The following OSBPL8 variants were observed in gnomAD, a reference collection of about 807,000 sequenced individuals.
OSBPL8 encodes the protein oxysterol binding protein like 8, also known as oxysterol-binding protein-related protein 8.
In OSBPL8, 59 loss-of-function variants were observed where a neutral mutation model predicts 125.5. The ratio of observed to expected loss-of-function variants is 0.47; its 90% CI spans 0.38 to 0.58. OSBPL8 has a LOEUF of 0.58. OSBPL8 is among the 20% of genes least tolerant of loss of function. The pLI is 0.00. For synonymous variants in OSBPL8, 330 were observed against 338.9 expected, an observed-to-expected ratio of 0.97 and a Z score of 0.29; for missense variants, 758 against 1,047.8, an observed-to-expected ratio of 0.72 and a Z score of 3.82.
At chr12:76,422,659 GA>G (rs1470927016) in intron 4 of OSBPL8, 1 of 456,250 alleles carries the variant, frequency 2.2e-6, no homozygotes, top group African/African-American at 2.0e-5. Context: ...TCATAGCTCA[GA>G]AGGTCTATTT....
rs1353230648 is a variant in OSBPL8, at chr12:76,559,502, C to G, written c.-173G>C. The G allele has an allele frequency of 6.6e-6, 1 of 152,146 alleles. No individual in the cohort carries two copies. The highest frequency in any genetic ancestry group is 2.4e-5 in the African/African-American group (1 of 41,438). The allele number at this position is 152,146 out of a possible 1,614,324, so 9.4% of individuals were successfully genotyped here. ...TAAGCGTCTAGTCAGACCCCAACTT[C>G]TCTCGGCCGCTGTCGTCGGCGGCAG... is the stretch of plus-strand genomic sequence containing the variant. On this transcript the variant is annotated 5_prime_UTR_variant, in exon 1 of 24. Transcript: ENST00000261183.
chr12:76,433,974 C>CAAAAAA (rs34241447), intron 4 of OSBPL8, among the ~76,000 whole-genome samples: 4 of 82,136 alleles, frequency 4.9e-5, no homozygotes, highest in African/African-American at 1.6e-4. Context: ...GACTCCATCT[C>CAAAAAA]AAAAAAAAAA....
chr12:76,402,873 T>C (rs1411941076), intron 5 of OSBPL8, 107 bp from the exon 6 acceptor site: 2 of 721,214 alleles, frequency 2.8e-6, no homozygotes, highest in Admixed American at 5.7e-5. Context: ...ATTGCTATGA[T>C]TTAAGCAAAT....
intron 1 of OSBPL8, among the ~76,000 whole-genome samples, chr12:76,538,588 A>G (rs755085553): frequency 1.3e-5 from 2 of 152,230 alleles, no homozygotes; most frequent in Non-Finnish European, 2.9e-5. Context: ...TATAGTTCAA[A>G]GGCTTTATCA....
intron 3 of OSBPL8, among the ~76,000 whole-genome samples, chr12:76,451,486 G>A (rs1019374798): frequency 3.3e-5 from 5 of 152,132 alleles, no homozygotes; most frequent in Non-Finnish European, 4.4e-5. Flanking sequence ...ACGAAAAGTC[G>A]GTATGATAAC....
intron 15 of OSBPL8, among the ~76,000 whole-genome samples, chr12:76,383,502 G>A (rs1010058348): frequency 6.6e-6 from 1 of 151,904 alleles, no homozygotes; most frequent in African/African-American, 2.4e-5. Context: ...ACTACTCTTA[G>A]ATATCCCTGT....
chr12:76,469,816 T>C (rs1875912623), intron 2 of OSBPL8, among the ~76,000 whole-genome samples: 2 of 152,162 alleles, frequency 1.3e-5, no homozygotes, highest in Admixed American at 1.3e-4. Context: ...TTTTGTCTAT[T>C]TTGTTCACTG....
At chr12:76,479,180 G>T (rs1398561696) in intron 2 of OSBPL8, among the ~76,000 whole-genome samples, 1 of 152,116 alleles carries the variant, frequency 6.6e-6, no homozygotes, top group African/African-American at 2.4e-5. Context: ...ATGTAGATTG[G>T]ATTGTACATT....
chr12:76,398,786 A>C (rs930321863), intron 7 of OSBPL8, among the ~76,000 whole-genome samples: 3 of 152,220 alleles, frequency 2.0e-5, no homozygotes, highest in African/African-American at 7.2e-5. Flanking sequence ...AGAAAGAAGG[A>C]GTTGGGAGCC....
intron 5 of OSBPL8, among the ~76,000 whole-genome samples, chr12:76,409,754 A>G (rs1954433302): frequency 6.6e-6 from 1 of 152,246 alleles, no homozygotes; most frequent in South Asian, 2.1e-4. Flanking sequence ...CATACATAAA[A>G]ACATACTGTG....
At chr12:76,372,483 G>A (rs1952658449) in intron 18 of OSBPL8, among the ~76,000 whole-genome samples, 1 of 151,988 alleles carries the variant, frequency 6.6e-6, no homozygotes, top group African/African-American at 2.4e-5. Context: ...ACCCCACCCA[G>A]ACAGAAATTT....
intron 7 of OSBPL8, among the ~76,000 whole-genome samples, chr12:76,399,169 T>C (rs1053121971): frequency 4.6e-5 from 7 of 152,174 alleles, no homozygotes; most frequent in Admixed American, 1.3e-4. Context: ...GGGAGTCCTA[T>C]GACAGATTTC....
chr12:76,482,526 T>C (rs1205956078), intron 2 of OSBPL8, among the ~76,000 whole-genome samples: 2 of 152,088 alleles, frequency 1.3e-5, no homozygotes, highest in Non-Finnish European at 2.9e-5. Context: ...GGCAGGAGAA[T>C]TGCTTGAACC....
At chr12:76,551,591 T>A (rs1243156989) in intron 1 of OSBPL8, among the ~76,000 whole-genome samples, 1 of 152,224 alleles carries the variant, frequency 6.6e-6, no homozygotes, top group African/African-American at 2.4e-5. Context: ...AAAGCTTTCA[T>A]GGGCATCTGG....
chr12:76,492,298 C>A (rs1878801889), intron 1 of OSBPL8, among the ~76,000 whole-genome samples: 1 of 152,070 alleles, frequency 6.6e-6, no homozygotes, highest in South Asian at 2.1e-4. Context: ...GGTCCTAAGG[C>A]AGAAGTTTGA....
intron 4 of OSBPL8, among the ~76,000 whole-genome samples, chr12:76,442,868 C>T (rs1340179586): frequency 1.3e-5 from 2 of 152,110 alleles, no homozygotes; most frequent in Admixed American, 6.5e-5. Flanking sequence ...TAATGTGTAA[C>T]GCTGTCACCC....
chr12:76,503,987 CT>C lies in OSBPL8; in HGVS notation c.-67-16370del, dbSNP rs1035006764. Among the ~76,000 whole-genome samples, 34 of 142,622 alleles carry C rather than the reference CT, an allele frequency of 2.4e-4. 1 individual carries two copies. The highest frequency in any genetic ancestry group is 4.4e-4 in the South Asian group (2 of 4,528). 93.6% of individuals were successfully genotyped at this position (142,622 alleles called of 152,430 possible). On this transcript the variant is annotated intron_variant, in intron 1 of 23. Transcript: ENST00000261183. ...ATCAGTATAGATGTTGCTGTGAAGA[CT>C]TTTTTTTTTAGATGTGTTTAACATT...
At chr12:76,381,221 GT>G (rs59662299) in intron 15 of OSBPL8, among the ~76,000 whole-genome samples, 5,975 of 152,148 alleles carry the variant, frequency 0.039, 358 homozygotes, top group African/African-American at 0.13. Context: ...GTAATCTCTG[GT>G]TTGGGGAATC....
chr12:76,542,053 C>T (rs1329176013), intron 1 of OSBPL8, among the ~76,000 whole-genome samples: 2 of 152,116 alleles, frequency 1.3e-5, no homozygotes, highest in African/African-American at 4.8e-5. Flanking sequence ...TGCCTGTAAT[C>T]CCAGCTACAC....
Sources: allele counts gnomAD v4.1 joint callset (sites outside exome capture counted in the v4.1 genomes callset), GRCh38; gene constraint gnomAD v4.1.1; transcripts MANE v1.5; gene names NCBI Gene and HGNC (gene_info 2026-07-23, HGNC 2026-07-21).